Variants in ME3 observed in about 807,000 individuals in gnomAD.
The protein encoded by ME3 is NADP-dependent malic enzyme, mitochondrial.
ME3 carries 48 observed loss-of-function variants against 68.9 expected under a neutral mutation model. The ratio of observed to expected loss-of-function variants is 0.70; its 90% CI spans 0.55 to 0.89. The LOEUF (loss-of-function observed/expected upper bound fraction) is 0.89, where lower values mean the gene tolerates loss of function less well. ME3 is among the 40% of genes least tolerant of loss of function. ME3 has a pLI of 0.00. For synonymous variants in ME3, 320 were observed against 318.8 expected (o/e 1.00, Z -0.04); for missense variants, 675 against 797.4 (o/e 0.85, Z 1.85).
intron 2 of ME3, among the ~76,000 whole-genome samples, chr11:86,566,341 C>T (rs12269985): frequency 0.027 from 4,082 of 152,256 alleles, 173 homozygotes; most frequent in African/African-American, 0.093. Context: ...AACGAGACCT[C>T]GATTATGCTG....
intron 2 of ME3, among the ~76,000 whole-genome samples, chr11:86,601,473 C>CCA (rs200926885): frequency 0.14 from 20,633 of 152,028 alleles, 1,452 homozygotes; most frequent in Non-Finnish European, 0.15. Flanking sequence ...AGCTCACCAA[C>CCA]CAAAAAGAGT....
At chr11:86,507,794 G>A (rs1953194725) in intron 5 of ME3, among the ~76,000 whole-genome samples, 1 of 152,050 alleles carries the variant, frequency 6.6e-6, no homozygotes, top group Non-Finnish European at 1.5e-5. Context: ...ACCAGTCAGG[G>A]CAACATGGCA....
chr11:86,450,039 G>T, intron 9 of ME3, 37 bp from the exon 10 acceptor site: 2 of 1,442,416 alleles, frequency 1.4e-6, no homozygotes, highest in Non-Finnish European at 1.9e-6. Context: ...CAGACACAGG[G>T]CAAACAGCTG....
At chr11:86,664,843 C>T (rs1457602892) in intron 2 of ME3, among the ~76,000 whole-genome samples, 1 of 152,336 alleles carries the variant, frequency 6.6e-6, no homozygotes, top group South Asian at 2.1e-4. Flanking sequence ...AATAGGACCT[C>T]CTTCTTCCCT....
intron 8 of ME3, chr11:86,457,622 A>G (rs1193683782): frequency 1.0e-5 from 13 of 1,270,116 alleles, no homozygotes; most frequent in South Asian, 2.5e-5. Context: ...GCTATGCACT[A>G]GGGGTTTAAA....
chr11:86,651,368 C>T (rs982828911), intron 2 of ME3, among the ~76,000 whole-genome samples: 1 of 152,240 alleles, frequency 6.6e-6, no homozygotes, highest in Non-Finnish European at 1.5e-5. Flanking sequence ...TGACACCTCA[C>T]ATGGCCGGGT....
chr11:86,623,168 T>A (rs550312202), intron 2 of ME3, among the ~76,000 whole-genome samples: 13 of 152,146 alleles, frequency 8.5e-5, no homozygotes, highest in Non-Finnish European at 1.9e-4. Flanking sequence ...CGTCGTCTCA[T>A]CTGGTATCAT....
At chr11:86,596,634 G>A (rs1959504216) in intron 2 of ME3, among the ~76,000 whole-genome samples, 1 of 152,178 alleles carries the variant, frequency 6.6e-6, no homozygotes, top group Non-Finnish European at 1.5e-5. Flanking sequence ...GAATCATGAG[G>A]TGTTAGGGCT....
chr11:86,614,352 A>C (rs1411845134), intron 2 of ME3, among the ~76,000 whole-genome samples: 15 of 152,340 alleles, frequency 9.8e-5, no homozygotes, highest in African/African-American at 3.6e-4. Flanking sequence ...AGAAATTATA[A>C]ACTCATTTCA....
Position 86,463,954 on chromosome 11 carries a change from C to G in ME3, c.919+1137G>C, listed in dbSNP as rs180959359. ...TGTTTTCATTCATAAGACAGAGATG[C>G]TAATGTCTCATCGGTTTAAAACTGT... is the stretch of plus-strand genomic sequence containing the variant. On this transcript the variant is annotated intron_variant, in intron 8 of 14. Coordinates refer to ENST00000543262, the Ensembl canonical transcript of ME3. 21 of 222,494 alleles carry G rather than the reference C, an allele frequency of 9.4e-5. No individual in the cohort carries two copies. In the East Asian group the frequency reaches 2.9e-3, roughly 31 times the overall value. The allele number at this position is 222,494 out of a possible 1,614,324, so 13.8% of individuals were successfully genotyped here.
chr11:86,450,862 G>A (rs993362950), intron 8 of ME3, among the ~76,000 whole-genome samples: 7 of 152,176 alleles, frequency 4.6e-5, no homozygotes, highest in African/African-American at 1.7e-4. Flanking sequence ...GTGTCTGGTC[G>A]CACACCATCG....
intron 7 of ME3, among the ~76,000 whole-genome samples, chr11:86,480,001 T>A (rs1951308801): frequency 6.6e-6 from 1 of 152,120 alleles, no homozygotes; most frequent in Non-Finnish European, 1.5e-5. Context: ...GTATTTTCGG[T>A]ACAGATGGGG....
intron 2 of ME3, among the ~76,000 whole-genome samples, chr11:86,658,446 A>G (rs942507085): frequency 2.6e-5 from 4 of 151,908 alleles, no homozygotes; most frequent in Non-Finnish European, 4.4e-5. Flanking sequence ...CTGCTTGCAA[A>G]TAATATATGT....
At chr11:86,549,516 T>C (rs769149751) in intron 4 of ME3, among the ~76,000 whole-genome samples, 7 of 152,250 alleles carry the variant, frequency 4.6e-5, no homozygotes, top group Non-Finnish European at 7.3e-5. Context: ...TGCTTTCATG[T>C]CTCATTTCAA....
intron 8 of ME3, chr11:86,464,182 C>T (rs1950364285): frequency 5.1e-6 from 2 of 390,474 alleles, no homozygotes; most frequent in Non-Finnish European, 9.9e-6. Flanking sequence ...ACACCTGTCT[C>T]TTGCCAACTT....
At chr11:86,460,397 C>T (rs3824953) in intron 8 of ME3, among the ~76,000 whole-genome samples, 4,215 of 152,304 alleles carry the variant, frequency 0.028, 123 homozygotes, top group African/African-American at 0.072. Flanking sequence ...GGGAGACAGT[C>T]AAATAATGTG....
chr11:86,541,178 C>A (rs1405222833), intron 4 of ME3, among the ~76,000 whole-genome samples: 8 of 152,200 alleles, frequency 5.3e-5, no homozygotes, highest in Admixed American at 5.2e-4. Flanking sequence ...CCTACACCAC[C>A]AGAGCCCTAG....
chr11:86,529,099 T>A (rs912993791), intron 4 of ME3, among the ~76,000 whole-genome samples: 1 of 152,074 alleles, frequency 6.6e-6, no homozygotes, highest in African/African-American at 2.4e-5. Flanking sequence ...ACAAAATTGA[T>A]AGACTGCTAG....
At chr11:86,653,050 C>G (rs1257118332) in intron 2 of ME3, among the ~76,000 whole-genome samples, 1 of 152,078 alleles carries the variant, frequency 6.6e-6, no homozygotes, top group East Asian at 1.9e-4. Context: ...GCTAACTATC[C>G]TAAGTATATA....
Sources: gnomAD v4.1 joint callset for allele counts (sites outside exome capture counted in the v4.1 genomes callset) on GRCh38, gnomAD v4.1.1 for gene constraint, MANE v1.5 for transcripts, NCBI Gene and HGNC (gene_info 2026-07-23, HGNC 2026-07-21) for gene names.